The following ATXN7L1 variants were observed in gnomAD, a reference collection of about 807,000 sequenced individuals.
ATXN7L1 encodes the protein ataxin-7-like protein 1.
In ATXN7L1, 15 loss-of-function variants were observed where a neutral mutation model predicts 70.8. That is an observed-to-expected ratio of 0.21 (90% CI 0.14 to 0.33). ATXN7L1 has a LOEUF of 0.33. Among genes scored for constraint, ATXN7L1 ranks in the 10% least tolerant of loss-of-function variants. The pLI is 1.00. For synonymous variants in ATXN7L1, 440 were observed against 445.1 expected (o/e 0.99, Z 0.14); for missense variants, 975 against 1,097.1 (o/e 0.89, Z 1.57).
Position 105,607,814 on chromosome 7 carries a change from T to C in ATXN7L1, c.*38A>G, listed in dbSNP as rs1792823935. 3 of 1,540,092 alleles carry C rather than the reference T, an allele frequency of 1.9e-6. No homozygotes were observed. In the Admixed American group the frequency reaches 5.9e-5, roughly 30 times the overall value. On this transcript the variant is annotated 3_prime_UTR_variant, in exon 12 of 12. Transcript: ENST00000419735. Reference sequence around the variant, plus strand: ...CATGGCCTCCTCGGATGGGATTAGGTGGCCTGGAATTGATGTGGAAGTGGC... The same window carrying C: ...CATGGCCTCCTCGGATGGGATTAGGCGGCCTGGAATTGATGTGGAAGTGGC...
chr7:105,854,067 C>T (rs1815318699), intron 2 of ATXN7L1, among the ~76,000 whole-genome samples: 1 of 152,168 alleles, frequency 6.6e-6, no homozygotes, highest in South Asian at 2.1e-4. Context: ...CCTCCACCCC[C>T]AGAGCCCATC....
chr7:105,676,129 T>C (rs766346503), intron 3 of ATXN7L1, among the ~76,000 whole-genome samples: 2 of 152,150 alleles, frequency 1.3e-5, no homozygotes, highest in African/African-American at 4.8e-5. Context: ...CCGAAGGACC[T>C]GAGTCTGCCG....
intron 2 of ATXN7L1, among the ~76,000 whole-genome samples, chr7:105,807,533 C>A (rs1236663884): frequency 6.6e-6 from 1 of 152,232 alleles, no homozygotes; most frequent in East Asian, 1.9e-4. Flanking sequence ...TCTTCACACC[C>A]TTGGGTTCCC....
chr7:105,819,874 C>A, intron 2 of ATXN7L1: 1 of 587,606 alleles, frequency 1.7e-6, no homozygotes. Flanking sequence ...GGTCATGCAT[C>A]TGAAGCCTAC....
intron 2 of ATXN7L1, among the ~76,000 whole-genome samples, chr7:105,868,324 G>A (rs58423627): frequency 6.6e-6 from 1 of 152,174 alleles, no homozygotes; most frequent in Non-Finnish European, 1.5e-5. Context: ...GGCAGGCAGG[G>A]GTTGTGGTTT....
At chr7:105,815,483 C>T (rs757668254) in intron 2 of ATXN7L1, among the ~76,000 whole-genome samples, 1 of 152,154 alleles carries the variant, frequency 6.6e-6, no homozygotes, top group African/African-American at 2.4e-5. Flanking sequence ...ATTAGTAACA[C>T]TGGAAGCTGG....
At chr7:105,709,012 T>C (rs1793529395) in intron 3 of ATXN7L1, among the ~76,000 whole-genome samples, 1 of 152,230 alleles carries the variant, frequency 6.6e-6, no homozygotes, top group Non-Finnish European at 1.5e-5. Context: ...TGTAGGTCAA[T>C]GTATTTTAAT....
At chr7:105,615,354 C>T (rs1793729582) in intron 9 of ATXN7L1, among the ~76,000 whole-genome samples, 1 of 152,208 alleles carries the variant, frequency 6.6e-6, no homozygotes, top group African/African-American at 2.4e-5. Context: ...CCACCCTGCT[C>T]TGGGCTGGAG....
chr7:105,853,998 G>A (rs1815305221), intron 2 of ATXN7L1, among the ~76,000 whole-genome samples: 1 of 152,106 alleles, frequency 6.6e-6, no homozygotes, highest in Non-Finnish European at 1.5e-5. Context: ...GGCGGTCTAA[G>A]CACCGACTGG....
rs542881946 is a variant in ATXN7L1 at position 105,769,002 on chromosome 7, G to T, written c.355+19602C>A. On this transcript the variant is annotated intron_variant, in intron 3 of 11. Coordinates refer to ENST00000419735, the MANE Select transcript of ATXN7L1 (RefSeq NM_020725.2). Reference sequence around the variant, plus strand: ...CTATCCATGGAAAATGCAGTTGTGGGGAGTCAGGAATCCTGACTTCTAGTC... The same window carrying T: ...CTATCCATGGAAAATGCAGTTGTGGTGAGTCAGGAATCCTGACTTCTAGTC... Among the ~76,000 whole-genome samples, 17 of 152,330 alleles carry T rather than the reference G, an allele frequency of 1.1e-4. No homozygotes were observed. In the East Asian group the frequency reaches 3.3e-3, roughly 29 times the overall value.
At chr7:105,841,513 C>T (rs1813205312) in intron 2 of ATXN7L1, among the ~76,000 whole-genome samples, 1 of 152,210 alleles carries the variant, frequency 6.6e-6, no homozygotes, top group Non-Finnish European at 1.5e-5. Context: ...ATGCTGTCCA[C>T]TCCATCCCAC....
intron 6 of ATXN7L1, among the ~76,000 whole-genome samples, chr7:105,639,141 G>GCGCTGCCGC (rs1797794348): frequency 4.6e-5 from 7 of 152,154 alleles, no homozygotes. Context: ...GCCTTTCAGG[G>GCGCTGCCGC]CGCTGCCGCC....
At chr7:105,741,571 G>C (rs1798024318) in intron 3 of ATXN7L1, among the ~76,000 whole-genome samples, 1 of 152,204 alleles carries the variant, frequency 6.6e-6, no homozygotes, top group Admixed American at 6.5e-5. Context: ...TGGGAAGAGA[G>C]GGGTGATGGA....
chr7:105,692,424 TCCTCCCTCCCTC>T (rs1554431695), intron 3 of ATXN7L1, among the ~76,000 whole-genome samples: 9 of 88,176 alleles, frequency 1.0e-4, no homozygotes, highest in African/African-American at 4.0e-4. Flanking sequence ...CTTCCTTCCT[TCCTCCCTCCCTC>T]CCTCCCTCCC....
At chr7:105,686,871 C>A (rs1329401704) in intron 3 of ATXN7L1, among the ~76,000 whole-genome samples, 1 of 152,108 alleles carries the variant, frequency 6.6e-6, no homozygotes, top group Non-Finnish European at 1.5e-5. Flanking sequence ...GAGGTTTATG[C>A]CAATGAATCT....
At chr7:105,746,118 C>T (rs927072201) in intron 3 of ATXN7L1, among the ~76,000 whole-genome samples, 8 of 152,180 alleles carry the variant, frequency 5.3e-5, no homozygotes, top group Non-Finnish European at 5.9e-5. Flanking sequence ...ATTTTCCAAA[C>T]ATATTCAGAA....
chr7:105,774,417 T>C (rs1335879920), intron 3 of ATXN7L1, among the ~76,000 whole-genome samples: 1 of 149,746 alleles, frequency 6.7e-6, no homozygotes, highest in Non-Finnish European at 1.5e-5. Flanking sequence ...AGTGGCACGA[T>C]CTTGGCTCAC....
At chr7:105,752,730 C>A (rs1237664656) in intron 3 of ATXN7L1, among the ~76,000 whole-genome samples, 5 of 152,168 alleles carry the variant, frequency 3.3e-5, no homozygotes, top group African/African-American at 9.7e-5. Flanking sequence ...GTTATTTTTC[C>A]TAAGGTCCTA....
intron 3 of ATXN7L1, among the ~76,000 whole-genome samples, chr7:105,666,954 A>G (rs1802699676): frequency 6.6e-6 from 1 of 152,150 alleles, no homozygotes; most frequent in African/African-American, 2.4e-5. Flanking sequence ...CTGTGAATGA[A>G]GTGGGTCCCT....
Sources: allele counts gnomAD v4.1 joint callset (sites outside exome capture counted in the v4.1 genomes callset), GRCh38; gene constraint gnomAD v4.1.1; transcripts MANE v1.5; gene names NCBI Gene and HGNC (gene_info 2026-07-23, HGNC 2026-07-21).